The following ROBO1 variants were observed in gnomAD, a reference collection of about 807,000 sequenced individuals.
ROBO1 encodes roundabout homolog 1.
ROBO1 carries 149 observed loss-of-function variants against 195.9 expected under a neutral mutation model. The observed-to-expected ratio is 0.76, with a 90% CI of 0.67 to 0.87. The LOEUF (loss-of-function observed/expected upper bound fraction) is 0.87. Ranked by LOEUF, ROBO1 falls within the 40% of genes least tolerant of loss-of-function variation. ROBO1 has a pLI of 0.00. For synonymous variants in ROBO1, 816 were observed against 733.2 expected (o/e 1.11, Z -1.82); for missense variants, 1,933 against 2,068.3 (o/e 0.93, Z 1.27).
chr3:79,094,090 T>C (rs901315996), intron 3 of ROBO1, among the ~76,000 whole-genome samples: 2 of 152,074 alleles, frequency 1.3e-5, no homozygotes, highest in Non-Finnish European at 2.9e-5. Flanking sequence ...AAAGAGGTTA[T>C]TCTATTAGCC....
intron 1 of ROBO1, among the ~76,000 whole-genome samples, chr3:79,655,915 G>GT (rs1470359859): frequency 6.6e-6 from 1 of 151,990 alleles, no homozygotes; most frequent in Non-Finnish European, 1.5e-5. Flanking sequence ...GTGAATTAGA[G>GT]TTTTTTTATG....
intron 3 of ROBO1, among the ~76,000 whole-genome samples, chr3:78,965,776 T>C (rs1418242449): frequency 1.3e-5 from 2 of 152,192 alleles, no homozygotes; most frequent in African/African-American, 2.4e-5. Flanking sequence ...ACAATTATAC[T>C]GGAGCAAAAA....
intron 3 of ROBO1, among the ~76,000 whole-genome samples, chr3:78,963,801 G>A (rs1382913009): frequency 6.6e-6 from 1 of 152,118 alleles, no homozygotes; most frequent in African/African-American, 2.4e-5. Context: ...ACAGGCGTGA[G>A]CCACAGCGCC....
chr3:79,190,778 AT>A (rs1331841286), intron 2 of ROBO1, among the ~76,000 whole-genome samples: 1 of 151,694 alleles, frequency 6.6e-6, no homozygotes, highest in Non-Finnish European at 1.5e-5. Flanking sequence ...TTTTAAAAAA[AT>A]GTTTGTTCCA....
chr3:79,308,409 T>G (rs2109083790), intron 2 of ROBO1, among the ~76,000 whole-genome samples: 1 of 152,302 alleles, frequency 6.6e-6, no homozygotes, highest in African/African-American at 2.4e-5. Flanking sequence ...TCTATAAAAC[T>G]AAAGTTTAAT....
chr3:79,712,846 GC>G (rs1702327866), intron 1 of ROBO1, among the ~76,000 whole-genome samples: 2 of 152,086 alleles, frequency 1.3e-5, no homozygotes, highest in East Asian at 3.9e-4. Flanking sequence ...TAAGAATGAT[GC>G]TAAATCTATT....
At chr3:79,592,557 A>G (rs1016783404) in intron 1 of ROBO1, among the ~76,000 whole-genome samples, 2 of 151,988 alleles carry the variant, frequency 1.3e-5, no homozygotes, top group African/African-American at 4.8e-5. Context: ...TTTACCTTTT[A>G]CAGTAGCTTT....
chr3:78,674,725 T>C (rs1708289949), intron 10 of ROBO1, among the ~76,000 whole-genome samples: 1 of 152,206 alleles, frequency 6.6e-6, no homozygotes. Flanking sequence ...AAGCAATTTG[T>C]GATAACGTCA....
chr3:79,705,428 G>T (rs1382179713), intron 1 of ROBO1, among the ~76,000 whole-genome samples: 1 of 151,876 alleles, frequency 6.6e-6, no homozygotes, highest in African/African-American at 2.4e-5. Flanking sequence ...TTTTTTAAAA[G>T]ATTGTCTTTT....
rs549717031 is a variant in ROBO1 at position 79,148,582 on chromosome 3, T to C, written c.89-23043A>G. ...TAGGAGAAATAGACAAAGCCAATTT[T>C]TGAGTTGAGTTCAATAGTCTATATT... On this transcript the variant is annotated intron_variant, in intron 2 of 30. Coordinates refer to ENST00000464233, the MANE Select transcript of ROBO1 (RefSeq NM_002941.4). 7.1e-4 allele frequency among the ~76,000 whole-genome samples: 108 copies of C among 152,026 alleles called. No homozygotes were observed. In the Middle Eastern group the frequency reaches 0.01, roughly 14 times the overall value.
chr3:78,851,122 C>A (rs1480811786), intron 4 of ROBO1, among the ~76,000 whole-genome samples: 1 of 151,996 alleles, frequency 6.6e-6, no homozygotes, highest in African/African-American at 2.4e-5. Flanking sequence ...CTATCATTTT[C>A]TTTGTGTCAT....
chr3:79,291,510 T>C (rs2032245888), intron 2 of ROBO1, among the ~76,000 whole-genome samples: 1 of 152,208 alleles, frequency 6.6e-6, no homozygotes. Flanking sequence ...TTGGAACTTC[T>C]TCAACACAGT....
chr3:79,365,466 C>T (rs2035935111), intron 2 of ROBO1, among the ~76,000 whole-genome samples: 1 of 152,210 alleles, frequency 6.6e-6, no homozygotes. Context: ...TCCTCCATCT[C>T]TCTGCTTTAT....
chr3:79,491,210 C>T (rs913199629), intron 2 of ROBO1, among the ~76,000 whole-genome samples: 1 of 130,502 alleles, frequency 7.7e-6, no homozygotes, highest in Admixed American at 7.7e-5. Flanking sequence ...AAGGGGTGGA[C>T]GGGGATCGGC....
intron 2 of ROBO1, among the ~76,000 whole-genome samples, chr3:79,540,358 A>C (rs1942018225): frequency 6.6e-6 from 1 of 152,100 alleles, no homozygotes. Context: ...CCCTGTACAC[A>C]TTAAGTGAAA....
chr3:79,324,011 GT>G (rs747311720), intron 2 of ROBO1, among the ~76,000 whole-genome samples: 7 of 149,786 alleles, frequency 4.7e-5, no homozygotes, highest in Non-Finnish European at 1.0e-4. Flanking sequence ...TCAAAAATAA[GT>G]TTTTTTTTTA....
chr3:79,309,732 A>C (rs1425592027), intron 2 of ROBO1, among the ~76,000 whole-genome samples: 1 of 152,194 alleles, frequency 6.6e-6, no homozygotes. Flanking sequence ...GTTGAGAAAC[A>C]TGTCTCTTTT....
At chr3:78,742,414 G>A (rs1435950263) in intron 5 of ROBO1, among the ~76,000 whole-genome samples, 2 of 151,828 alleles carry the variant, frequency 1.3e-5, no homozygotes, top group Non-Finnish European at 2.9e-5. Context: ...TGGAAATAAT[G>A]TCATGTATTC....
chr3:79,258,220 T>G (rs2108931756), intron 2 of ROBO1, among the ~76,000 whole-genome samples: 1 of 152,332 alleles, frequency 6.6e-6, no homozygotes, highest in African/African-American at 2.4e-5. Flanking sequence ...GTACTTCATC[T>G]TTGTTGTTGT....
Sources: gnomAD v4.1 joint callset for allele counts (sites outside exome capture counted in the v4.1 genomes callset) on GRCh38, gnomAD v4.1.1 for gene constraint, MANE v1.5 for transcripts, NCBI Gene and HGNC (gene_info 2026-07-23, HGNC 2026-07-21) for gene names.